Variants in CYREN observed in about 807,000 individuals in gnomAD.
CYREN encodes cell cycle regulator of NHEJ, also known as cell cycle regulator of non-homologous end joining.
In CYREN, 7 loss-of-function variants were observed where a neutral mutation model predicts 9.7. That is an observed-to-expected ratio of 0.72 (90% CI 0.41 to 1.36). The LOEUF is 1.36. Among genes scored for constraint, CYREN ranks in the 40% most tolerant of loss-of-function variants. CYREN has a pLI of 0.01. For synonymous variants in CYREN, 76 were observed against 77.9 expected, an observed-to-expected ratio of 0.98 and a Z score of 0.13; for missense variants, 215 against 198.1, an observed-to-expected ratio of 1.09 and a Z score of -0.51.
chr7:135,164,605 G>A, downstream of CYREN: 1 of 1,614,220 alleles, frequency 6.2e-7, no homozygotes, highest in Non-Finnish European at 8.5e-7. Context: ...TTCTGCCTGT[G>A]GAATGAGGAC....
intron 2 of CYREN, among the ~76,000 whole-genome samples, chr7:135,108,078 A>T (rs769671338): frequency 6.6e-6 from 1 of 151,972 alleles, no homozygotes; most frequent in Non-Finnish European, 1.5e-5. Context: ...ATTCTTCTCC[A>T]TCCCTTTATT....
intron 2 of CYREN, among the ~76,000 whole-genome samples, chr7:135,157,916 C>A (rs559747093): frequency 6.0e-4 from 91 of 152,134 alleles, no homozygotes; most frequent in Non-Finnish European, 1.1e-3. Flanking sequence ...GGCTTGTGAA[C>A]AGAGAAGGTG....
chr7:135,158,445 A>T (rs370350724), intron 2 of CYREN, among the ~76,000 whole-genome samples: 21 of 152,192 alleles, frequency 1.4e-4, no homozygotes, highest in African/African-American at 4.8e-4. Context: ...CCTCACAAGT[A>T]AGCAGCATTG....
At chr7:135,100,525 G>C (rs1315514618) in intron 2 of CYREN, among the ~76,000 whole-genome samples, 1 of 152,094 alleles carries the variant, frequency 6.6e-6, no homozygotes, top group Non-Finnish European at 1.5e-5. Flanking sequence ...GAGAGACCAT[G>C]GTATATCCTC....
At chr7:135,110,587 G>A (rs944621343) in intron 2 of CYREN, among the ~76,000 whole-genome samples, 2 of 152,138 alleles carry the variant, frequency 1.3e-5, no homozygotes, top group African/African-American at 4.8e-5. Context: ...CTTGGGCAGG[G>A]GAGGCTCTCC....
chr7:135,104,696 T>G (rs1824383245), intron 2 of CYREN, among the ~76,000 whole-genome samples: 1 of 152,344 alleles, frequency 6.6e-6, no homozygotes, highest in Non-Finnish European at 1.5e-5. Flanking sequence ...TGAGCTTTAT[T>G]TCATATGCCT....
intron 2 of CYREN, among the ~76,000 whole-genome samples, chr7:135,139,789 T>C (rs1829419869): frequency 6.6e-6 from 1 of 152,182 alleles, no homozygotes; most frequent in South Asian, 2.1e-4. Context: ...TTTCTGCATA[T>C]GACTAGCCAG....
rs976012940 is a variant in CYREN, at chr7:135,166,814, C to T, written c.271G>A (p.Glu91Lys). The T allele has an allele frequency of 6.2e-6, 10 of 1,614,086 alleles. No homozygotes were observed. Among genetic ancestry groups the T allele is most frequent in the East Asian group, 2.2e-5 (1 of 44,896 alleles). ...QPALAGADNPEHSPPCSVSPH... is the reference protein window; with the variant it reads ...QPALAGADNPKHSPPCSVSPH... ...GACACGGAGCAGGGAGGGGAGTGCT[C>T]TGGGTTATCAGCCCCCGCCAGGGCC... The change falls in exon 4 of 4, where the codon GAG becomes AAG. Residue 91 changes from glutamate (E) to lysine (K), a missense_variant. Coordinates refer to ENST00000393114, the MANE Select transcript of CYREN (RefSeq NM_024033.4).
chr7:135,137,348 T>C (rs963200750), intron 2 of CYREN, among the ~76,000 whole-genome samples: 7 of 151,768 alleles, frequency 4.6e-5, no homozygotes, highest in African/African-American at 1.7e-4. Flanking sequence ...CTAGCAAAAC[T>C]TAAATGCAGA....
At chr7:135,093,877 G>A (rs1336168891) in exon 3 of CYREN, 1 of 152,756 alleles carries the variant, frequency 6.5e-6, no homozygotes, top group Non-Finnish European at 1.5e-5. Context: ...GAGACTGTGT[G>A]GTACTGGCCT....
intron 2 of CYREN, among the ~76,000 whole-genome samples, chr7:135,140,379 A>G (rs1829430721): frequency 1.3e-5 from 2 of 151,330 alleles, no homozygotes; most frequent in African/African-American, 2.4e-5. Flanking sequence ...TTATTGGTGT[A>G]TAAGAATGCT....
chr7:135,134,980 GAAA>G, intron 2 of CYREN: 1 of 1,551,174 alleles, frequency 6.4e-7, no homozygotes, highest in Non-Finnish European at 8.7e-7. Context: ...CAGGTCATTG[GAAA>G]GTTTATCACC....
chr7:135,164,784 C>G (rs926402398), downstream of CYREN: 2 of 1,614,080 alleles, frequency 1.2e-6, no homozygotes, highest in Non-Finnish European at 1.7e-6. Context: ...AGCGTGGCGG[C>G]TGGCAGTGGG....
intron 2 of CYREN, among the ~76,000 whole-genome samples, chr7:135,121,874 C>G (rs1002641506): frequency 6.6e-6 from 1 of 152,210 alleles, no homozygotes. Flanking sequence ...CCGGGGAAAC[C>G]GTGCTTTTTC....
intron 2 of CYREN, among the ~76,000 whole-genome samples, chr7:135,126,963 A>C (rs1827959804): frequency 6.6e-6 from 1 of 152,200 alleles, no homozygotes; most frequent in South Asian, 2.1e-4. Flanking sequence ...GCATGGGTAA[A>C]GACTTCATGA....
At chr7:135,131,517 T>G (rs1828770609) in intron 2 of CYREN, among the ~76,000 whole-genome samples, 1 of 151,710 alleles carries the variant, frequency 6.6e-6, no homozygotes, top group Non-Finnish European at 1.5e-5. Context: ...GAAATGAAAC[T>G]ATAATATATT....
rs769143112 is a variant in CYREN, at chr7:135,167,765, C to A, written c.180G>T (p.Glu60Asp). 9 of 1,614,226 alleles carry A rather than the reference C, an allele frequency of 5.6e-6. No individual in the cohort carries two copies. Among genetic ancestry groups the A allele is most frequent in the Non-Finnish European group, 6.8e-6 (8 of 1,180,040 alleles). Residue 60 changes from glutamate (E) to aspartate (D), a missense_variant, in exon 3 of 4, where the codon GAG (glutamate) becomes GAT (aspartate). Physicochemically the swap from Glu to Asp is conservative, Grantham distance 45 (BLOSUM62 2). Coordinates refer to ENST00000393114, the MANE Select transcript of CYREN (RefSeq NM_024033.4). ...GGATTCCCAGAGCAACATCAACTAT[C>A]TCAGCCTCATTCATGCAGTACACAG... is the stretch of plus-strand genomic sequence containing the variant. ...TRTVYCMNEAEIVDVALGILI... is the reference protein window; with the variant it reads ...TRTVYCMNEADIVDVALGILI...
rs997450897 is a variant in CYREN, at chr7:135,167,343, G to A, written c.213+389C>T. The A allele has an allele frequency of 2.8e-6, 3 of 1,086,870 alleles. No homozygotes were observed. The Admixed American group carries it at 1.4e-4, about 52-fold the overall frequency. 67.3% of individuals were successfully genotyped at this position (1,086,870 alleles called of 1,614,324 possible). ...CTGCAATTATTACTGCAGGAAGCTA[G>A]GAAGCTCAGCATCCTCTGCTCAGGA... On this transcript the variant is annotated intron_variant, in intron 3 of 3. Transcript: ENST00000393114.
upstream of CYREN, among the ~76,000 whole-genome samples, chr7:135,171,787 T>C (rs1009539356): frequency 6.6e-6 from 1 of 152,124 alleles, no homozygotes; most frequent in East Asian, 1.9e-4. Flanking sequence ...ACAAGCCCTG[T>C]GGAGCGTCCC....
Sources: gnomAD v4.1 joint callset for allele counts (sites outside exome capture counted in the v4.1 genomes callset) on GRCh38, gnomAD v4.1.1 for gene constraint, MANE v1.5 for transcripts, NCBI Gene and HGNC (gene_info 2026-07-23, HGNC 2026-07-21) for gene names.